Variants in UBE2Z observed in about 807,000 individuals in gnomAD.
UBE2Z encodes the protein ubiquitin-conjugating enzyme E2 Z.
In UBE2Z, 10 loss-of-function variants were observed where a neutral mutation model predicts 32.6. That is an observed-to-expected ratio of 0.31 (90% CI 0.19 to 0.52). The LOEUF (loss-of-function observed/expected upper bound fraction) is 0.52. Among genes scored for constraint, UBE2Z ranks in the 20% least tolerant of loss-of-function variants. The probability of loss-of-function intolerance (pLI) is 0.97; values close to 1 mark genes in which losing one functional copy is unlikely to be tolerated. For synonymous variants in UBE2Z, 183 were observed against 190.8 expected, an observed-to-expected ratio of 0.96 and a Z score of 0.34; for missense variants, 343 against 480.9, an observed-to-expected ratio of 0.71 and a Z score of 2.68.
At chr17:48,914,204 A>G (rs747876407) in intron 3 of UBE2Z, among the ~76,000 whole-genome samples, 19 of 152,112 alleles carry the variant, frequency 1.2e-4, no homozygotes, top group Non-Finnish European at 2.4e-4. Flanking sequence ...ATCTTCTCGC[A>G]TATTTTGGAT....
intron 4 of UBE2Z, among the ~76,000 whole-genome samples, chr17:48,918,392 G>A (rs1211342284): frequency 6.6e-6 from 1 of 151,974 alleles, no homozygotes; most frequent in Non-Finnish European, 1.5e-5. Context: ...GGAGTGCAGT[G>A]GTGTGATCTC....
At position 48,910,634 on chromosome 17, in the gene UBE2Z, C is replaced by T. The variant is rs2040669484; in HGVS notation, c.318-174C>T. On this transcript the variant is annotated intron_variant, in intron 1 of 6. Transcript: ENST00000360943. ...AATAATTTGCTCTCTGCCTGCCTGACAAGTACTCAGCTGAGATTTCTCAGC... is the reference window on the plus strand; with the variant it reads ...AATAATTTGCTCTCTGCCTGCCTGATAAGTACTCAGCTGAGATTTCTCAGC... 2.2e-5 allele frequency: 12 copies of T among 542,224 alleles called. No homozygotes were observed. The South Asian group carries it at 3.4e-4, about 15-fold the overall frequency. The allele number at this position is 542,224 out of a possible 1,614,324, so 33.6% of individuals were successfully genotyped here.
intron 6 of UBE2Z, among the ~76,000 whole-genome samples, chr17:48,925,019 A>G (rs1227744174): frequency 6.6e-6 from 1 of 152,010 alleles, no homozygotes; most frequent in Non-Finnish European, 1.5e-5. Flanking sequence ...GCAATGGCTC[A>G]TGCCTGTGAT....
At chr17:48,918,828 C>CTG (rs1252358538) in intron 4 of UBE2Z, among the ~76,000 whole-genome samples, 1 of 148,642 alleles carries the variant, frequency 6.7e-6, no homozygotes, top group Non-Finnish European at 1.5e-5. Flanking sequence ...CTCACTGCAA[C>CTG]CTCTGCCTCC....
At chr17:48,920,294 G>C (rs2040750163) in intron 4 of UBE2Z, among the ~76,000 whole-genome samples, 1 of 151,760 alleles carries the variant, frequency 6.6e-6, no homozygotes, top group Non-Finnish European at 1.5e-5. Context: ...CAGGCGTTCA[G>C]GACCAGCCTG....
rs1408105973 is a variant in UBE2Z, at chr17:48,908,771, G to A, written c.268G>A (p.Asp90Asn). Residue 90 changes from aspartate (D) to asparagine (N), a missense_variant, in exon 1 of 7, where the codon GAC (aspartate) becomes AAC (asparagine). This residue lies in a region of UBE2Z where 55 missense variants were observed against 56.2 expected (regional missense o/e 0.98). Coordinates refer to ENST00000360943, the MANE Select transcript of UBE2Z (RefSeq NM_023079.5). The stretch of plus-strand genomic sequence containing the variant: ...CCACTGGGACCCCACGCTCAGCTCC[G>A]ACTGGGACGGCGAGCGCACCGCGCC... The part of the protein sequence containing the change: ...LSHWDPTLSS[D>N]WDGERTAPQC... 2.0e-6 allele frequency: 3 copies of A among 1,506,852 alleles called. No homozygotes were observed. Among genetic ancestry groups the A allele is most frequent in the Admixed American group, 2.0e-5 (1 of 48,986 alleles). The allele number at this position is 1,506,852 out of a possible 1,614,324, so 93.3% of individuals were successfully genotyped here.
chr17:48,927,282 G>A lies in UBE2Z; in HGVS notation c.*148G>A, dbSNP rs2040804683. The A allele has an allele frequency of 1.2e-6, 1 of 858,128 alleles. No individual in the cohort carries two copies. Among genetic ancestry groups the A allele is most frequent in the South Asian group, 1.8e-5 (1 of 56,774 alleles). 53.2% of individuals were successfully genotyped at this position (858,128 alleles called of 1,614,324 possible). On this transcript the variant is annotated 3_prime_UTR_variant, in exon 7 of 7. Transcript: ENST00000360943. ...AGAACCAAGCAAGCTCCGATCCCAGGGTGTGGGAGTGGGGGCCTGTTCCCG... is the reference window on the plus strand; with the variant it reads ...AGAACCAAGCAAGCTCCGATCCCAGAGTGTGGGAGTGGGGGCCTGTTCCCG...
chr17:48,915,050 G>T (rs1303560670), intron 3 of UBE2Z, among the ~76,000 whole-genome samples: 2 of 151,908 alleles, frequency 1.3e-5, no homozygotes, highest in African/African-American at 4.8e-5. Context: ...ATTCTTAGGT[G>T]TTCCTAGTTG....
chr17:48,908,415 C>A lies in UBE2Z; in HGVS notation c.-89C>A. ...GCGGAGGGGGTGGGGACACTCTGGC[C>A]CGGTTCTCGGTGGTGCGGGAGCGGG... On this transcript the variant is annotated 5_prime_UTR_variant, in exon 1 of 7. Transcript: ENST00000360943. 1 of 1,146,034 alleles carries A rather than the reference C, an allele frequency of 8.7e-7. No individual in the cohort carries two copies. Among genetic ancestry groups the A allele is most frequent in the Non-Finnish European group, 1.1e-6 (1 of 913,802 alleles). 71.0% of individuals were successfully genotyped at this position (1,146,034 alleles called of 1,614,324 possible). A position where few individuals can be genotyped will look rare whatever the true frequency, so the allele number is the denominator to read the frequency against.
intron 5 of UBE2Z, among the ~76,000 whole-genome samples, chr17:48,922,377 A>G (rs139100326): frequency 0.023 from 3,462 of 152,206 alleles, 51 homozygotes; most frequent in Admixed American, 0.038. Flanking sequence ...AAAGAGCGAG[A>G]CTCAGTCTCA....
At chr17:48,917,647 T>G (rs1359381522) in intron 4 of UBE2Z, among the ~76,000 whole-genome samples, 1 of 152,194 alleles carries the variant, frequency 6.6e-6, no homozygotes, top group African/African-American at 2.4e-5. Context: ...AAGAGCATGC[T>G]CTGTGCTGGA....
At position 48,916,207 on chromosome 17, in the gene UBE2Z, G is replaced by GCT. The variant is rs756545456; in HGVS notation, c.690+23_690+24dup. The GCT allele has an allele frequency of 3.5e-5, 50 of 1,434,488 alleles. No homozygotes were observed. Among genetic ancestry groups the GCT allele is most frequent in the Non-Finnish European group, 4.5e-5 (48 of 1,068,722 alleles). The allele number at this position is 1,434,488 out of a possible 1,614,324, so 88.9% of individuals were successfully genotyped here. ...GAACAGGTAAGGCCAGATGGGCCTG[G>GCT]CTCTGGGGTGTAGACTATTGTTTTT... is the stretch of plus-strand genomic sequence containing the variant. On this transcript the variant is annotated intron_variant, in intron 4 of 6. Coordinates refer to ENST00000360943, the MANE Select transcript of UBE2Z (RefSeq NM_023079.5).
At chr17:48,916,034 CT>C (rs142959616) in intron 3 of UBE2Z, 41 bp from the exon 4 acceptor site, 88,195 of 1,440,518 alleles carry the variant, frequency 0.061, 6,488 homozygotes, top group African/African-American at 0.35. Context: ...GTTCCCTATT[CT>C]TTCTCTGCCT....
intron 3 of UBE2Z, 28 bp from the exon 4 acceptor site, chr17:48,916,048 C>A: frequency 1.3e-6 from 2 of 1,515,682 alleles, no homozygotes; most frequent in East Asian, 2.4e-5. Flanking sequence ...CTCTGCCTCA[C>A]CCTCCATTCC....
At chr17:48,919,784 C>T (rs1354474952) in intron 4 of UBE2Z, among the ~76,000 whole-genome samples, 3 of 152,128 alleles carry the variant, frequency 2.0e-5, no homozygotes, top group Non-Finnish European at 4.4e-5. Flanking sequence ...AGCCCTACTT[C>T]TGATTTATAA....
intron 4 of UBE2Z, among the ~76,000 whole-genome samples, chr17:48,919,214 G>A (rs2040742472): frequency 6.6e-6 from 1 of 151,116 alleles, no homozygotes; most frequent in African/African-American, 2.4e-5. Flanking sequence ...TCCACCTCCT[G>A]ACCTTATGAT....
chr17:48,926,273 G>A (rs2040797440), intron 6 of UBE2Z, among the ~76,000 whole-genome samples: 1 of 152,114 alleles, frequency 6.6e-6, no homozygotes, highest in Non-Finnish European at 1.5e-5. Context: ...AGAATAAAGA[G>A]CAACTTTTAC....
At chr17:48,916,010 GC>G in intron 3 of UBE2Z, 65 bp from the exon 4 acceptor site, 1 of 1,071,708 alleles carries the variant, frequency 9.3e-7, no homozygotes, top group Non-Finnish European at 1.3e-6. Context: ...GTGTTGCCGG[GC>G]CCCAGGGTAC....
At chr17:48,924,474 G>A (rs913758200) in intron 6 of UBE2Z, among the ~76,000 whole-genome samples, 7 of 152,166 alleles carry the variant, frequency 4.6e-5, no homozygotes, top group African/African-American at 1.4e-4. Flanking sequence ...TGCCTCTACT[G>A]GGAAAAGTGT....
Sources: allele counts gnomAD v4.1 joint callset (sites outside exome capture counted in the v4.1 genomes callset), GRCh38; gene constraint gnomAD v4.1.1; regional missense constraint gnomAD v4.1.1; transcripts MANE v1.5; gene names NCBI Gene and HGNC (gene_info 2026-07-23, HGNC 2026-07-21).